The following BMPER variants were observed in gnomAD, a reference collection of about 807,000 sequenced individuals.
BMPER encodes BMP binding endothelial regulator, also known as BMP-binding endothelial regulator protein.
In BMPER, 45 loss-of-function variants were observed where a neutral mutation model predicts 87.3. That is an observed-to-expected ratio of 0.52 (90% CI 0.41 to 0.66). BMPER has a LOEUF of 0.66. BMPER is among the 30% of genes least tolerant of loss of function. The pLI is 0.00. For synonymous variants in BMPER, 326 were observed against 316.2 expected (o/e 1.03, Z -0.33); for missense variants, 784 against 867.5 (o/e 0.90, Z 1.21).
At chr7:34,149,159 A>G (rs2127996341) in intron 14 of BMPER, among the ~76,000 whole-genome samples, 1 of 152,288 alleles carries the variant, frequency 6.6e-6, no homozygotes, top group South Asian at 2.1e-4. Context: ...AACTGCGGGT[A>G]CTTGTCACAG....
intron 6 of BMPER, among the ~76,000 whole-genome samples, chr7:34,018,417 A>G (rs1015806145): frequency 6.6e-6 from 1 of 151,950 alleles, no homozygotes; most frequent in South Asian, 2.1e-4. Context: ...AGGCAAGCAG[A>G]TATCTAGCAC....
chr7:33,975,775 A>C (rs1462878698), intron 6 of BMPER, among the ~76,000 whole-genome samples: 2 of 152,198 alleles, frequency 1.3e-5, no homozygotes. Context: ...TCACCAAAGC[A>C]GAATCATATT....
At chr7:34,063,389 G>A (rs1291564172) in intron 11 of BMPER, among the ~76,000 whole-genome samples, 1 of 130,766 alleles carries the variant, frequency 7.6e-6, no homozygotes. Context: ...ATGTGTGTGT[G>A]TGTGTGTGTG....
chr7:34,020,597 C>T (rs189992638), intron 6 of BMPER, among the ~76,000 whole-genome samples: 1 of 151,980 alleles, frequency 6.6e-6, no homozygotes, highest in East Asian at 2.0e-4. Context: ...CCATGTGCTT[C>T]TAATGTACAT....
At chr7:34,027,925 A>G (rs993919556) in intron 6 of BMPER, among the ~76,000 whole-genome samples, 1 of 152,092 alleles carries the variant, frequency 6.6e-6, no homozygotes, top group Non-Finnish European at 1.5e-5. Context: ...GCCCAAATCA[A>G]TATATTCCAC....
intron 3 of BMPER, chr7:33,937,684 ATGCCTC>A: frequency 2.4e-6 from 1 of 419,498 alleles, no homozygotes; most frequent in South Asian, 2.2e-5. Flanking sequence ...GTCAACCACC[ATGCCTC>A]TGCATATTTG....
At chr7:34,051,195 G>C (rs1788139468) in intron 7 of BMPER, among the ~76,000 whole-genome samples, 1 of 152,112 alleles carries the variant, frequency 6.6e-6, no homozygotes, top group Admixed American at 6.6e-5. Flanking sequence ...TTGCTCTCCT[G>C]ACCTAATCAC....
chr7:33,987,324 C>T (rs1309939372), intron 6 of BMPER, among the ~76,000 whole-genome samples: 2 of 152,084 alleles, frequency 1.3e-5, no homozygotes, highest in African/African-American at 2.4e-5. Context: ...GTGTGAGCCG[C>T]GATGTGTTTG....
chr7:33,970,138 A>G (rs1170564808), intron 4 of BMPER, among the ~76,000 whole-genome samples, 191 bp from the exon 5 acceptor site: 3 of 152,190 alleles, frequency 2.0e-5, no homozygotes, highest in Non-Finnish European at 4.4e-5. Flanking sequence ...ACAGATTTGC[A>G]CTGAGTTCTA....
intron 6 of BMPER, among the ~76,000 whole-genome samples, chr7:34,045,774 T>C (rs1787947398): frequency 6.6e-6 from 1 of 152,160 alleles, no homozygotes; most frequent in Admixed American, 6.5e-5. Flanking sequence ...CTTCCAGCTG[T>C]GGCAGATACC....
intron 13 of BMPER, among the ~76,000 whole-genome samples, chr7:34,088,248 T>C (rs1187939102): frequency 6.6e-6 from 1 of 152,190 alleles, no homozygotes; most frequent in Non-Finnish European, 1.5e-5. Context: ...GGGCCACTTC[T>C]TCCTGGAAAG....
intron 13 of BMPER, among the ~76,000 whole-genome samples, chr7:34,091,471 C>G (rs1334645373): frequency 6.6e-6 from 1 of 152,194 alleles, no homozygotes; most frequent in Non-Finnish European, 1.5e-5. Context: ...GCCGACTCAA[C>G]TGTTAGGTCA....
intron 3 of BMPER, among the ~76,000 whole-genome samples, chr7:33,945,020 C>T (rs2128611625): frequency 6.6e-6 from 1 of 152,250 alleles, no homozygotes; most frequent in East Asian, 1.9e-4. Flanking sequence ...TGGCTCACTG[C>T]AAGCTCCACC....
chr7:34,103,481 G>A (rs1454218010), intron 13 of BMPER, among the ~76,000 whole-genome samples: 4 of 152,178 alleles, frequency 2.6e-5, no homozygotes, highest in African/African-American at 7.2e-5. Context: ...TTGATGTCCA[G>A]TCTGAGTTCC....
chr7:33,998,122 A>G (rs1786471444), intron 6 of BMPER, among the ~76,000 whole-genome samples: 1 of 152,218 alleles, frequency 6.6e-6, no homozygotes, highest in South Asian at 2.1e-4. Flanking sequence ...TAGGTGCTCA[A>G]CAAATATTTG....
chr7:33,905,438 T>TCCCCCCCCCCCCCCCCCCCCCCCCCCCC, upstream of BMPER: 3 of 23,004 alleles, frequency 1.3e-4, no homozygotes, highest in Admixed American at 6.0e-4. Context: ...CCTTGGTCTC[T>TCCCCCCCCCCCCCCCCCCCCCCCCCCCC]CCCCCCGCCC....
At chr7:33,974,542 CT>C (rs908948967) in intron 5 of BMPER, among the ~76,000 whole-genome samples, 159 bp from the exon 6 acceptor site, 1 of 152,096 alleles carries the variant, frequency 6.6e-6, no homozygotes, top group African/African-American at 2.4e-5. Context: ...TCGTTTGCCT[CT>C]GTTTTTTTCT....
At chr7:34,085,004 T>A (rs78879068) in intron 12 of BMPER, among the ~76,000 whole-genome samples, 7,377 of 152,288 alleles carry the variant, frequency 0.048, 615 homozygotes, top group African/African-American at 0.17. Flanking sequence ...CAAGAAGAAC[T>A]CTTGCCCATG....
chr7:34,150,592 G>T (rs2127996708), intron 14 of BMPER, among the ~76,000 whole-genome samples: 1 of 152,212 alleles, frequency 6.6e-6, no homozygotes, highest in South Asian at 2.1e-4. Flanking sequence ...AATGTATAGG[G>T]TATTCTGTTA....
Sources: gnomAD v4.1 joint callset for allele counts (sites outside exome capture counted in the v4.1 genomes callset) on GRCh38, gnomAD v4.1.1 for gene constraint, MANE v1.5 for transcripts, NCBI Gene and HGNC (gene_info 2026-07-23, HGNC 2026-07-21) for gene names.